Variants in GPC6 observed in about 807,000 individuals in gnomAD.
GPC6 encodes glypican-6.
Under a neutral mutation model 55.2 loss-of-function variants are expected in GPC6, and 14 were observed. The observed-to-expected ratio is 0.25, with a 90% CI of 0.17 to 0.40. The LOEUF (loss-of-function observed/expected upper bound fraction) is 0.40, where lower values mean the gene tolerates loss of function less well. GPC6 is among the 10% of genes least tolerant of loss of function. GPC6 has a pLI of 1.00. For missense variants in GPC6, 641 were observed against 708.5 expected (o/e 0.90, Z 1.08); for synonymous variants, 278 against 259.6 (o/e 1.07, Z -0.68).
At chr13:93,751,065 C>T (rs1025368704) in intron 2 of GPC6, among the ~76,000 whole-genome samples, 1 of 152,134 alleles carries the variant, frequency 6.6e-6, no homozygotes, top group Non-Finnish European at 1.5e-5. Flanking sequence ...GTCTTTGGAT[C>T]CTCATCTGTA....
intron 2 of GPC6, among the ~76,000 whole-genome samples, chr13:93,631,487 T>C (rs558298776): frequency 6.6e-6 from 1 of 152,346 alleles, no homozygotes; most frequent in African/African-American, 2.4e-5. Context: ...TTTTGTTGTT[T>C]AAGCCACTGA....
chr13:93,365,825 G>A (rs1881227795), intron 1 of GPC6, among the ~76,000 whole-genome samples: 1 of 152,000 alleles, frequency 6.6e-6, no homozygotes, highest in Admixed American at 6.6e-5. Flanking sequence ...CTATCTCCTT[G>A]TGGAATATGT....
chr13:93,286,951 T>G (rs1378458342), intron 1 of GPC6, among the ~76,000 whole-genome samples: 1 of 152,176 alleles, frequency 6.6e-6, no homozygotes, highest in African/African-American at 2.4e-5. Context: ...AATTGTTAGA[T>G]ATAGACACCT....
intron 1 of GPC6, among the ~76,000 whole-genome samples, chr13:93,369,105 C>T (rs543670984): frequency 1.3e-5 from 2 of 152,068 alleles, no homozygotes; most frequent in South Asian, 2.1e-4. Flanking sequence ...AGGGGTGCCT[C>T]ATTATTGGTG....
chr13:94,246,690 G>C (rs997975205), intron 4 of GPC6, among the ~76,000 whole-genome samples: 1 of 151,936 alleles, frequency 6.6e-6, no homozygotes, highest in Non-Finnish European at 1.5e-5. Context: ...TTTATTTCTG[G>C]TGTCTCTATT....
intron 4 of GPC6, among the ~76,000 whole-genome samples, chr13:94,161,597 A>T (rs1221772030): frequency 3.9e-5 from 6 of 152,172 alleles, no homozygotes; most frequent in Non-Finnish European, 5.9e-5. Context: ...GCCATTTGGA[A>T]TTGAACTGTG....
At chr13:93,474,553 A>G (rs1190796624) in intron 1 of GPC6, among the ~76,000 whole-genome samples, 6 of 152,300 alleles carry the variant, frequency 3.9e-5, no homozygotes, top group Non-Finnish European at 5.9e-5. Context: ...AGGGCAGAGA[A>G]AAAACATAGT....
chr13:93,803,857 T>G (rs1448815015), intron 2 of GPC6, among the ~76,000 whole-genome samples: 4 of 152,066 alleles, frequency 2.6e-5, no homozygotes, highest in Admixed American at 2.6e-4. Context: ...TATTCTTCCA[T>G]TTAGTAAGTA....
At chr13:93,346,514 GT>G (rs1880436889) in intron 1 of GPC6, among the ~76,000 whole-genome samples, 1 of 152,146 alleles carries the variant, frequency 6.6e-6, no homozygotes, top group African/African-American at 2.4e-5. Flanking sequence ...ATGGGTGACA[GT>G]TTCCCTGTGA....
At chr13:94,202,081 C>G (rs1889769821) in intron 4 of GPC6, among the ~76,000 whole-genome samples, 1 of 152,162 alleles carries the variant, frequency 6.6e-6, no homozygotes, top group African/African-American at 2.4e-5. Context: ...CCATGTAGCT[C>G]TAGTTTTCTT....
intron 2 of GPC6, among the ~76,000 whole-genome samples, chr13:93,610,639 G>T (rs547178225): frequency 5.3e-5 from 8 of 151,952 alleles, no homozygotes; most frequent in Non-Finnish European, 1.2e-4. Context: ...ATGTACATGT[G>T]TACTTATATA....
At chr13:93,575,738 G>A (rs1266703191) in intron 2 of GPC6, among the ~76,000 whole-genome samples, 3 of 152,042 alleles carry the variant, frequency 2.0e-5, no homozygotes, top group Non-Finnish European at 4.4e-5. Flanking sequence ...TATCATCCAT[G>A]CCTTCTGAAG....
Position 93,831,225 on chromosome 13 carries a change from G to A in GPC6, c.711+680G>A, listed in dbSNP as rs115009214. Among the ~76,000 whole-genome samples, 998 of 152,210 alleles carry A rather than the reference G, an allele frequency of 6.6e-3. 16 individuals are homozygous for A. The highest frequency in any genetic ancestry group is 0.023 in the African/African-American group (958 of 41,536). ...ATTAATCTACTTTTGGGCCTTTCTT[G>A]AAGATAACATCTCTATACCTTGGAT... On this transcript the variant is annotated intron_variant, in intron 3 of 8. Transcript: ENST00000377047.
chr13:94,264,985 C>A (rs1367968251), intron 4 of GPC6, among the ~76,000 whole-genome samples: 3 of 152,148 alleles, frequency 2.0e-5, no homozygotes, highest in Non-Finnish European at 4.4e-5. Flanking sequence ...GGGGAAACTG[C>A]TCCCATGTTT....
chr13:93,742,502 T>A (rs1466544897), intron 2 of GPC6, among the ~76,000 whole-genome samples: 1 of 152,206 alleles, frequency 6.6e-6, no homozygotes, highest in Admixed American at 6.5e-5. Flanking sequence ...CAAGTATCTC[T>A]TGATAGCCTT....
At chr13:94,218,616 CCGTCCT>C (rs1358094983) in intron 4 of GPC6, among the ~76,000 whole-genome samples, 6 of 152,128 alleles carry the variant, frequency 3.9e-5, no homozygotes, top group Non-Finnish European at 2.9e-5. Flanking sequence ...CTTTTGGTGA[CCGTCCT>C]GTACCCCCAG....
intron 4 of GPC6, among the ~76,000 whole-genome samples, chr13:94,210,809 T>G (rs1325518702): frequency 1.3e-5 from 2 of 152,230 alleles, no homozygotes; most frequent in Non-Finnish European, 2.9e-5. Context: ...TTAGCACAAG[T>G]GGAAAAGCTC....
chr13:93,570,521 GAATGTGAA>G (rs945469356), intron 2 of GPC6, among the ~76,000 whole-genome samples: 1 of 152,104 alleles, frequency 6.6e-6, no homozygotes, highest in African/African-American at 2.4e-5. Flanking sequence ...AGTCATTTTT[GAATGTGAA>G]AATGTGAAGA....
At chr13:94,285,475 A>C (rs896999740) in intron 4 of GPC6, among the ~76,000 whole-genome samples, 4 of 152,194 alleles carry the variant, frequency 2.6e-5, no homozygotes, top group African/African-American at 9.6e-5. Flanking sequence ...CACCTTACCT[A>C]TAGAAGATAA....
Sources: allele counts gnomAD v4.1 joint callset (sites outside exome capture counted in the v4.1 genomes callset), GRCh38; gene constraint gnomAD v4.1.1; transcripts MANE v1.5; gene names NCBI Gene and HGNC (gene_info 2026-07-23, HGNC 2026-07-21).